The following HERC2 variants were observed in gnomAD, a reference collection of about 807,000 sequenced individuals.
HERC2 encodes HECT and RLD domain containing E3 ubiquitin protein ligase 2.
Under a neutral mutation model 537.7 loss-of-function variants are expected in HERC2, and 102 were observed. The observed-to-expected ratio is 0.19, with a 90% confidence interval of 0.16 to 0.22. The LOEUF (loss-of-function observed/expected upper bound fraction) is 0.22, where lower values mean the gene tolerates loss of function less well. Ranked by LOEUF, HERC2 falls within the 10% of genes least tolerant of loss-of-function variation. The pLI, the probability that HERC2 is intolerant of heterozygous loss-of-function variation, is 1.00. For synonymous variants in HERC2, 2,224 were observed against 2,466.2 expected, an observed-to-expected ratio of 0.90 and a Z score of 2.91; for missense variants, 4,236 against 6,198.2, an observed-to-expected ratio of 0.68 and a Z score of 10.63.
chr15:28,225,871 C>T (rs111536212), intron 35 of HERC2, among the ~76,000 whole-genome samples: 1 of 152,026 alleles, frequency 6.6e-6, no homozygotes, highest in Non-Finnish European at 1.5e-5. Flanking sequence ...TTCCTAAAAA[C>T]ATAAATTACC....
At chr15:28,136,539 A>C (rs1376733828) in intron 78 of HERC2, among the ~76,000 whole-genome samples, 2 of 152,228 alleles carry the variant, frequency 1.3e-5, no homozygotes, top group East Asian at 1.9e-4. Flanking sequence ...AATAAGAAGA[A>C]CACCACAGAA....
Position 28,288,777 on chromosome 15 carries a change from G to T in HERC2, c.322+4111C>A, listed in dbSNP as rs868196561. Reference sequence around the variant, plus strand: ...GCAGGAGACTCGCTTGAACCCACGTGGGGGAGGTTGCAGTGAGCTGAGATT... The same window carrying T: ...GCAGGAGACTCGCTTGAACCCACGTTGGGGAGGTTGCAGTGAGCTGAGATT... On this transcript the variant is annotated intron_variant, in intron 4 of 92. Coordinates refer to ENST00000261609, the MANE Select transcript of HERC2 (RefSeq NM_004667.6). 3.3e-5 allele frequency among the ~76,000 whole-genome samples: 5 copies of T among 151,740 alleles called. No individual in the cohort carries two copies. In the South Asian group the frequency reaches 6.3e-4, roughly 19 times the overall value.
chr15:28,289,015 A>G (rs2076238916), intron 4 of HERC2, among the ~76,000 whole-genome samples: 1 of 152,008 alleles, frequency 6.6e-6, no homozygotes, highest in South Asian at 2.1e-4. Context: ...AGAAGCAGGA[A>G]GCTACAGTCA....
chr15:28,180,409 C>G (rs1190199971), intron 57 of HERC2, among the ~76,000 whole-genome samples: 1 of 152,228 alleles, frequency 6.6e-6, no homozygotes, highest in African/African-American at 2.4e-5. Flanking sequence ...TAATGCATGA[C>G]TGTACTACTA....
chr15:28,132,542 G>T, intron 80 of HERC2, 111 bp downstream of exon 80: 1 of 1,079,422 alleles, frequency 9.3e-7, no homozygotes, highest in Non-Finnish European at 1.2e-6. Context: ...AATACAGTGG[G>T]CCTTCTAGAA....
At chr15:28,272,850 C>T in intron 8 of HERC2, 44 bp downstream of exon 8, 1 of 1,314,978 alleles carries the variant, frequency 7.6e-7, no homozygotes, top group Non-Finnish European at 1.1e-6. Flanking sequence ...TATTTCCATA[C>T]ACAGGCGCTT....
At chr15:28,279,997 C>T (rs2075980465) in intron 5 of HERC2, 71 bp downstream of exon 5, 2 of 1,256,874 alleles carry the variant, frequency 1.6e-6, no homozygotes, top group African/African-American at 1.5e-5. Context: ...AAACCTTAAA[C>T]TTTCTGAAAC....
chr15:28,170,125 C>A (rs1894544860), intron 65 of HERC2, among the ~76,000 whole-genome samples: 1 of 152,236 alleles, frequency 6.6e-6, no homozygotes, highest in Non-Finnish European at 1.5e-5. Flanking sequence ...TATGTCAACT[C>A]ATCCAAATTG....
At chr15:28,117,577 C>T in intron 86 of HERC2, 1 of 473,654 alleles carries the variant, frequency 2.1e-6, no homozygotes, top group Non-Finnish European at 4.2e-6. Flanking sequence ...AAAGCAGCTC[C>T]CCCAGCAGAC....
intron 56 of HERC2, among the ~76,000 whole-genome samples, chr15:28,186,255 T>C (rs1596159311): frequency 1.3e-5 from 2 of 152,222 alleles, no homozygotes; most frequent in South Asian, 4.1e-4. Context: ...ACAACTTCCA[T>C]AGGACAATAA....
chr15:28,263,991 C>T (rs2075486959), intron 14 of HERC2, among the ~76,000 whole-genome samples: 1 of 144,064 alleles, frequency 6.9e-6, no homozygotes, highest in Non-Finnish European at 1.5e-5. Flanking sequence ...TGCACACCAG[C>T]CTGGGTGACA....
At chr15:28,158,565 C>CT (rs1350034949) in intron 69 of HERC2, among the ~76,000 whole-genome samples, 3 of 152,036 alleles carry the variant, frequency 2.0e-5, no homozygotes, top group East Asian at 1.9e-4. Context: ...CAACTCCTGC[C>CT]TTTTTTTGTT....
intron 80 of HERC2, 122 bp from the exon 81 acceptor site, chr15:28,132,383 G>A (rs1004312790): frequency 3.1e-6 from 3 of 976,520 alleles, no homozygotes; most frequent in Non-Finnish European, 4.3e-6. Context: ...TTACAAAGAG[G>A]TGATTTCTAA....
chr15:28,190,993 G>A lies in HERC2; in HGVS notation c.8621C>T (p.Thr2874Ile). The change falls in exon 55 of 93, where the codon ACA becomes ATA. Residue 2874 changes from threonine (T) to isoleucine (I), a missense_variant. Thr to Ile is a moderately conservative substitution (Grantham distance 89). Transcript: ENST00000261609. ...TGTGCAGTCATTCAGAAGGGGCACT[G>A]TGGTGTCAGAAGGGTTAATATTGAT... ...KTININPSDT[T>I]VPLLNDCTEY... 1 of 1,611,614 alleles carries A rather than the reference G, an allele frequency of 6.2e-7. No individual in the cohort carries two copies. The highest frequency in any genetic ancestry group is 1.3e-5 in the African/African-American group (1 of 74,992).
intron 48 of HERC2, among the ~76,000 whole-genome samples, chr15:28,199,624 G>A (rs147916081): frequency 8.7e-4 from 132 of 152,266 alleles, no homozygotes; most frequent in Non-Finnish European, 1.4e-3. Context: ...AGATGATGAC[G>A]CTAATGCCTA....
intron 39 of HERC2, among the ~76,000 whole-genome samples, chr15:28,215,026 C>T (rs1371537806): frequency 6.6e-6 from 1 of 152,100 alleles, no homozygotes; most frequent in Non-Finnish European, 1.5e-5. Flanking sequence ...AGGCACCCAC[C>T]ACCAAGCCCG....
intron 2 of HERC2, among the ~76,000 whole-genome samples, chr15:28,301,735 GTATATATATATATATATATATATATA>G (rs55977156): frequency 9.6e-4 from 34 of 35,380 alleles, no homozygotes; most frequent in Admixed American, 1.4e-3. Context: ...GTATGTATGT[GTATATATATATATATATATATATATA>G]TATATATATA....
chr15:28,277,906 C>G (rs1332573029), intron 5 of HERC2, among the ~76,000 whole-genome samples: 2 of 152,222 alleles, frequency 1.3e-5, no homozygotes, highest in East Asian at 3.9e-4. Flanking sequence ...GCTCAAGTCC[C>G]TGATATAAAA....
chr15:28,251,440 C>T (rs541417818), intron 20 of HERC2, among the ~76,000 whole-genome samples: 1 of 149,336 alleles, frequency 6.7e-6, no homozygotes, highest in Non-Finnish European at 1.5e-5. Flanking sequence ...GAGGCTCCAT[C>T]TCGGGGGAAA....
Sources: allele counts gnomAD v4.1 joint callset (sites outside exome capture counted in the v4.1 genomes callset), GRCh38; gene constraint gnomAD v4.1.1; transcripts MANE v1.5; gene names NCBI Gene and HGNC (gene_info 2026-07-23, HGNC 2026-07-21).